Variants in BNC1 observed in about 807,000 individuals in gnomAD.
The protein encoded by BNC1 is zinc finger protein basonuclin-1.
BNC1 carries 8 observed loss-of-function variants against 66.5 expected under a neutral mutation model. The observed-to-expected ratio is 0.12, with a 90% CI of 0.07 to 0.22. BNC1 has a LOEUF of 0.22. BNC1 is among the 10% of genes least tolerant of loss of function. The pLI is 1.00. For synonymous variants in BNC1, 454 were observed against 452.6 expected, an observed-to-expected ratio of 1.00 and a Z score of -0.04; for missense variants, 1,069 against 1,241.3, an observed-to-expected ratio of 0.86 and a Z score of 2.09.
chr15:83,275,883 CT>C (rs112918648), intron 1 of BNC1, among the ~76,000 whole-genome samples: 2,546 of 145,776 alleles, frequency 0.017, 76 homozygotes, highest in African/African-American at 0.059. Flanking sequence ...AACAGTAAGC[CT>C]TTTTTTTTTT....
rs1212295486 is a variant in BNC1 at position 83,264,397 on chromosome 15, G to T, written c.854C>A (p.Pro285His). 6.2e-7 allele frequency: 1 copy of T among 1,614,056 alleles called. No homozygotes were observed. Residue 285 changes from proline (P) to histidine (H), a missense_variant, in exon 4 of 5, where the codon CCT becomes CAT. Pro to His is a moderately conservative substitution (Grantham distance 77, BLOSUM62 -2). Transcript: ENST00000345382. ...ACTGGAAGTTAAGAAGCTGCTGTCA[G>T]GGAAGGGCCCATGGACTTCCTGTTT... is the stretch of plus-strand genomic sequence containing the variant. ...DPKQEVHGPF[P>H]DSSFLTSSST...
rs376033304 is a variant in BNC1, at chr15:83,257,809, G to A, written c.2618C>T (p.Ser873Phe). 2 of 1,614,108 alleles carry A rather than the reference G, an allele frequency of 1.2e-6. No homozygotes were observed. The highest frequency in any genetic ancestry group is 2.2e-5 in the South Asian group (2 of 91,082). ...SMKSESSSHS[S>F]WDSDGVSEEG... ...CTCACTCACCCCGTCAGAGTCCCAG[G>A]AAGAATGGCTGCTACTCTCTGACTT... The change falls in exon 5 of 5, where the codon TCC becomes TTC. Residue 873 changes from serine (S) to phenylalanine (F), a missense_variant. By Grantham distance (155) the Ser-to-Phe change is radical (BLOSUM62 -2). Coordinates refer to ENST00000345382, the MANE Select transcript of BNC1 (RefSeq NM_001717.4).
At chr15:83,280,641 G>C (rs1158201882) in intron 1 of BNC1, among the ~76,000 whole-genome samples, 1 of 152,112 alleles carries the variant, frequency 6.6e-6, no homozygotes, top group Non-Finnish European at 1.5e-5. Flanking sequence ...GCTAAGAGTT[G>C]ACAGTATAAA....
At chr15:83,268,343 T>A in intron 1 of BNC1, 111 bp from the exon 2 acceptor site, 4 of 921,410 alleles carry the variant, frequency 4.3e-6, no homozygotes, top group South Asian at 1.5e-5. Flanking sequence ...TTGAGCAATA[T>A]GTGCCCACTG....
chr15:83,281,815 C>A lies in BNC1; in HGVS notation c.99+2715G>T, dbSNP rs1413313954. 2.0e-5 allele frequency among the ~76,000 whole-genome samples: 3 copies of A among 152,200 alleles called. No individual in the cohort carries two copies. In the East Asian group the frequency reaches 5.8e-4, roughly 29 times the overall value. ...ACAACTACTTTGTTCCACAGGGAAA[C>A]CTGTATGGCTTTTCTCTCTCATCTA... On this transcript the variant is annotated intron_variant, in intron 1 of 4. Transcript: ENST00000345382.
chr15:83,270,034 A>G (rs2151437665), intron 1 of BNC1, among the ~76,000 whole-genome samples: 1 of 152,344 alleles, frequency 6.6e-6, no homozygotes, highest in South Asian at 2.1e-4. Flanking sequence ...CAATTGATAA[A>G]GGCAGAAACC....
chr15:83,280,968 A>G lies in BNC1; in HGVS notation c.99+3562T>C, dbSNP rs566271420. 3.9e-5 allele frequency among the ~76,000 whole-genome samples: 6 copies of G among 152,306 alleles called. No homozygotes were observed. The South Asian group carries it at 1.2e-3, about 32-fold the overall frequency. On this transcript the variant is annotated intron_variant, in intron 1 of 4. Transcript: ENST00000345382. ...TGAAATTATCATTTCCCCAAGGCAG[A>G]GTCCTCCTGTGATTTGTTAGGCTGG...
intron 1 of BNC1, among the ~76,000 whole-genome samples, chr15:83,273,814 C>T (rs1458580977): frequency 6.6e-6 from 1 of 152,122 alleles, no homozygotes; most frequent in Non-Finnish European, 1.5e-5. Flanking sequence ...GAGTTGAATT[C>T]CTGGCAGTGA....
At chr15:83,281,904 A>G (rs2038383307) in intron 1 of BNC1, among the ~76,000 whole-genome samples, 1 of 152,210 alleles carries the variant, frequency 6.6e-6, no homozygotes, top group African/African-American at 2.4e-5. Flanking sequence ...TGGGCCTGGG[A>G]TGCAGGCCTA....
intron 1 of BNC1, among the ~76,000 whole-genome samples, chr15:83,280,054 A>C (rs2038362932): frequency 6.6e-6 from 1 of 152,232 alleles, no homozygotes; most frequent in South Asian, 2.1e-4. Flanking sequence ...ATGTCTATGA[A>C]TCAAAGTATA....
chr15:83,282,998 C>A, intron 1 of BNC1: 1 of 1,069,052 alleles, frequency 9.4e-7, no homozygotes, highest in East Asian at 2.6e-5. Context: ...ATGCCCTGGC[C>A]TTCAGAGGAC....
chr15:83,260,384 C>G (rs950914868), intron 4 of BNC1, among the ~76,000 whole-genome samples: 2 of 151,912 alleles, frequency 1.3e-5, no homozygotes, highest in Non-Finnish European at 2.9e-5. Flanking sequence ...TTTTTAATTT[C>G]TAATATGATA....
intron 1 of BNC1, among the ~76,000 whole-genome samples, chr15:83,277,849 G>C (rs1016448415): frequency 6.6e-6 from 1 of 152,056 alleles, no homozygotes; most frequent in Non-Finnish European, 1.5e-5. Context: ...TCAAGGGTGG[G>C]AGTTAATTCT....
rs755802102 is a variant in BNC1 at position 83,266,856 on chromosome 15, T to C, written c.415A>G (p.Ile139Val). ...HALDWTLQDY[I>V]RGYVLQDASG... is the part of the protein sequence containing the mutation. ...TGTACCTGCAGTACGTATCCACGGA[T>C]ATAATCCTGAAGTGTCCAGTCCAAG... The change falls in exon 3 of 5, where the codon ATC (isoleucine) becomes GTC (valine). Residue 139 changes from isoleucine (I) to valine (V), a missense_variant. This residue lies in a region of BNC1 where 39 missense variants were observed against 89.5 expected (regional missense o/e 0.44). Coordinates refer to ENST00000345382, the MANE Select transcript of BNC1 (RefSeq NM_001717.4). 6.2e-7 allele frequency: 1 copy of C among 1,614,026 alleles called. No individual in the cohort carries two copies. Among genetic ancestry groups the C allele is most frequent in the Non-Finnish European group, 8.5e-7 (1 of 1,179,876 alleles).
intron 4 of BNC1, 69 bp from the exon 5 acceptor site, chr15:83,258,195 G>C: frequency 6.8e-7 from 1 of 1,474,632 alleles, no homozygotes; most frequent in Non-Finnish European, 9.2e-7. Flanking sequence ...TCTGAGTGGA[G>C]AGACTTGGTA....
Position 83,284,576 on chromosome 15 carries a change from T to G in BNC1, c.53A>C (p.Glu18Ala). 1 of 1,069,914 alleles carries G rather than the reference T, an allele frequency of 9.3e-7. No individual in the cohort carries two copies. The allele number at this position is 1,069,914 out of a possible 1,614,324, so 66.3% of individuals were successfully genotyped here. The change falls in exon 1 of 5, where the codon GAG becomes GCG. Residue 18 changes from glutamate (E) to alanine (A), a missense_variant. This residue lies in a region of BNC1 where 78 missense variants were observed against 80.9 expected (regional missense o/e 0.96). Coordinates refer to ENST00000345382, the MANE Select transcript of BNC1 (RefSeq NM_001717.4). The stretch of plus-strand genomic sequence containing the variant: ...GCGGTGCCGGGGCTGCCGGCGCGTC[T>G]CCCGGGCCCGGGCCGCCCCGCGTCC... Reference protein sequence around the residue: ...RGGRGAARARETRRQPRHRSG... With the variant: ...RGGRGAARARATRRQPRHRSG...
At chr15:83,271,425 A>G (rs943619531) in intron 1 of BNC1, among the ~76,000 whole-genome samples, 2 of 152,258 alleles carry the variant, frequency 1.3e-5, no homozygotes, top group African/African-American at 4.8e-5. Context: ...AAATAGCAAC[A>G]GCATTACCTA....
chr15:83,264,369 G>T lies in BNC1; in HGVS notation c.882C>A (p.Ser294=). 6.2e-7 allele frequency: 1 copy of T among 1,614,168 alleles called. No individual in the cohort carries two copies. The highest frequency in any genetic ancestry group is 8.5e-7 in the Non-Finnish European group (1 of 1,180,032). The part of the protein sequence containing the change: ...FPDSSFLTSS[S]TPFQVEKDQC... ...GATCTTTTTCAACCTGAAATGGTGT[G>T]GAACTGGAAGTTAAGAAGCTGCTGT... is the stretch of plus-strand genomic sequence containing the variant. Residue 294 remains serine, a synonymous_variant, in exon 4 of 5, where the codon TCC becomes TCA. Coordinates refer to ENST00000345382, the MANE Select transcript of BNC1 (RefSeq NM_001717.4).
chr15:83,278,538 C>T (rs1221543920), intron 1 of BNC1, among the ~76,000 whole-genome samples: 1 of 152,100 alleles, frequency 6.6e-6, no homozygotes, highest in Non-Finnish European at 1.5e-5. Flanking sequence ...TGCTAGGAAA[C>T]CAACTAACTA....
Sources: gnomAD v4.1 joint callset for allele counts (sites outside exome capture counted in the v4.1 genomes callset) on GRCh38, gnomAD v4.1.1 for gene constraint, gnomAD v4.1.1 regional missense constraint, MANE v1.5 for transcripts, NCBI Gene and HGNC (gene_info 2026-07-23, HGNC 2026-07-21) for gene names.